DCLK1: variants seen among roughly 807,000 people sequenced by gnomAD.
The protein encoded by DCLK1 is doublecortin like kinase 1, also known as serine/threonine-protein kinase DCLK1.
Under a neutral mutation model 86.2 loss-of-function variants are expected in DCLK1, and 16 were observed. The ratio of observed to expected loss-of-function variants is 0.19; its 90% CI spans 0.13 to 0.28. The LOEUF (loss-of-function observed/expected upper bound fraction) is 0.28, where lower values mean the gene tolerates loss of function less well. DCLK1 is among the 10% of genes least tolerant of loss of function. The pLI, the probability that DCLK1 is intolerant of heterozygous loss-of-function variation, is 1.00. For missense variants in DCLK1, 590 were observed against 940.2 expected (o/e 0.63, Z 4.87); for synonymous variants, 369 against 370.5 (o/e 1.00, Z 0.05).
At chr13:35,911,085 C>G (rs1874995648) in intron 4 of DCLK1, among the ~76,000 whole-genome samples, 1 of 145,622 alleles carries the variant, frequency 6.9e-6, no homozygotes, top group Non-Finnish European at 1.5e-5. Flanking sequence ...AGATCGAGAC[C>G]ATCCTGGCTA....
intron 3 of DCLK1, among the ~76,000 whole-genome samples, chr13:36,024,244 A>G (rs1290173782): frequency 1.3e-5 from 2 of 152,236 alleles, no homozygotes; most frequent in African/African-American, 2.4e-5. Flanking sequence ...AGCCAGGTCA[A>G]TTAGGCAAGA....
chr13:35,890,803 T>G (rs1239976003), intron 4 of DCLK1, among the ~76,000 whole-genome samples: 1 of 151,996 alleles, frequency 6.6e-6, no homozygotes, highest in East Asian at 1.9e-4. Context: ...ATTGAAAACT[T>G]TTTCCATATA....
intron 3 of DCLK1, among the ~76,000 whole-genome samples, chr13:36,061,046 G>C (rs1883526043): frequency 6.6e-6 from 1 of 152,306 alleles, no homozygotes; most frequent in South Asian, 2.1e-4. Context: ...CTCAGGTAAG[G>C]GGGATGGGGT....
chr13:36,048,424 A>G (rs913595111), intron 3 of DCLK1, among the ~76,000 whole-genome samples: 2 of 152,158 alleles, frequency 1.3e-5, no homozygotes, highest in Non-Finnish European at 2.9e-5. Flanking sequence ...TACTGTTTAT[A>G]TTTTCCTTTG....
chr13:35,779,925 A>AT (rs1272347597), intron 16 of DCLK1, among the ~76,000 whole-genome samples: 1 of 151,978 alleles, frequency 6.6e-6, no homozygotes, highest in African/African-American at 2.4e-5. Context: ...CTAATATATA[A>AT]TTTTTACAAG....
intron 3 of DCLK1, among the ~76,000 whole-genome samples, chr13:36,048,571 T>G (rs1883013625): frequency 1.3e-5 from 2 of 152,188 alleles, no homozygotes; most frequent in Admixed American, 6.5e-5. Context: ...TTTGGCAGAC[T>G]GTCTCACTCA....
intron 3 of DCLK1, among the ~76,000 whole-genome samples, chr13:36,085,668 C>T (rs1884566507): frequency 6.6e-6 from 1 of 152,190 alleles, no homozygotes. Context: ...TAGCTACCAA[C>T]ACCCTGAATG....
intron 10 of DCLK1, among the ~76,000 whole-genome samples, chr13:35,826,540 A>G (rs1253756053): frequency 0.09 from 7,965 of 88,162 alleles, 1,680 homozygotes; most frequent in Non-Finnish European, 0.14. Flanking sequence ...AAAAAAAAAA[A>G]AAGAAAGAAA....
chr13:36,062,103 A>T (rs1037696799), intron 3 of DCLK1, among the ~76,000 whole-genome samples: 15 of 152,138 alleles, frequency 9.9e-5, no homozygotes, highest in African/African-American at 3.6e-4. Context: ...GTGGGTTTTT[A>T]TATAAATAAA....
Position 35,774,303 on chromosome 13 carries a change from C to G in DCLK1, c.*232G>C. 1 of 524,544 alleles carries G rather than the reference C, an allele frequency of 1.9e-6. No individual in the cohort carries two copies. The highest frequency in any genetic ancestry group is 3.3e-5 in the East Asian group (1 of 30,492). 32.5% of individuals were successfully genotyped at this position (524,544 alleles called of 1,614,324 possible). A position where few individuals can be genotyped will look rare whatever the true frequency, so the allele number is the denominator to read the frequency against. ...AGTTTAAAAAAAAATTGCAAATTGG[C>G]CTTAACCCTTTGAGGACTCTATTAG... On this transcript the variant is annotated 3_prime_UTR_variant, in exon 17 of 17. Transcript: ENST00000360631.
At chr13:36,079,785 CG>C (rs988727778) in intron 3 of DCLK1, among the ~76,000 whole-genome samples, 2 of 152,064 alleles carry the variant, frequency 1.3e-5, no homozygotes, top group African/African-American at 4.8e-5. Context: ...CCATCAATAG[CG>C]GAAGATATCC....
At chr13:35,862,425 A>G (rs1158761808) in intron 5 of DCLK1, among the ~76,000 whole-genome samples, 1 of 152,146 alleles carries the variant, frequency 6.6e-6, no homozygotes, top group African/African-American at 2.4e-5. Flanking sequence ...TTCTGTCTTG[A>G]CAATTTCATT....
intron 4 of DCLK1, among the ~76,000 whole-genome samples, chr13:35,936,531 C>T (rs1292864487): frequency 5.9e-5 from 9 of 152,212 alleles, no homozygotes; most frequent in Admixed American, 5.9e-4. Context: ...CTGTGAATTC[C>T]ATCATTCCAA....
chr13:35,796,878 G>A (rs2086823068), intron 15 of DCLK1, among the ~76,000 whole-genome samples: 1 of 152,190 alleles, frequency 6.6e-6, no homozygotes, highest in Admixed American at 6.5e-5. Context: ...ATTGAATTAG[G>A]GGCTGAACAA....
At chr13:36,079,766 A>G (rs1884350337) in intron 3 of DCLK1, among the ~76,000 whole-genome samples, 1 of 152,202 alleles carries the variant, frequency 6.6e-6, no homozygotes, top group Non-Finnish European at 1.5e-5. Context: ...CAAGCATTGA[A>G]AGAATGCTCC....
At chr13:36,023,901 C>CTT (rs59071937) in intron 3 of DCLK1, among the ~76,000 whole-genome samples, 120,147 of 128,484 alleles carry the variant, frequency 0.94, 56,440 homozygotes, top group East Asian at 0.98. Context: ...TTCTTTCTTT[C>CTT]TTTTTTTTTT....
rs754033629 is a variant in DCLK1, at chr13:35,839,120, C to T, written c.1092G>A (p.Ser364=). 1.9e-6 allele frequency: 3 copies of T among 1,600,004 alleles called. No individual in the cohort carries two copies. Among genetic ancestry groups the T allele is most frequent in the East Asian group, 4.5e-5 (2 of 44,518 alleles). ...TSLASTKVCS[S]MDENDGPGEE... is the part of the protein sequence containing the mutation. ...CTCCAGGGCCATCGTTCTCATCCAT[C>T]GAGCTGCAGACTTTGGTGGACGCAA... Residue 364 remains serine, a synonymous_variant, in exon 7 of 17, where the codon TCG becomes TCA. Coordinates refer to ENST00000360631, the MANE Select transcript of DCLK1 (RefSeq NM_001330071.2).
At chr13:35,874,748 C>A (rs1566580329) in intron 4 of DCLK1, among the ~76,000 whole-genome samples, 1 of 152,134 alleles carries the variant, frequency 6.6e-6, no homozygotes, top group African/African-American at 2.4e-5. Flanking sequence ...ACAATAACGC[C>A]CAAGGTGTCC....
intron 3 of DCLK1, among the ~76,000 whole-genome samples, chr13:35,987,783 C>T (rs965371958): frequency 2.6e-5 from 4 of 152,168 alleles, no homozygotes; most frequent in Admixed American, 6.5e-5. Flanking sequence ...GCTTCTTTTC[C>T]CTCGGACTTG....
Sources: gnomAD v4.1 joint callset for allele counts (sites outside exome capture counted in the v4.1 genomes callset) on GRCh38, gnomAD v4.1.1 for gene constraint, MANE v1.5 for transcripts, NCBI Gene and HGNC (gene_info 2026-07-23, HGNC 2026-07-21) for gene names.